Variants in ANKRD24 observed in about 807,000 individuals in gnomAD.
ANKRD24 encodes ankyrin repeat domain-containing protein 24.
A neutral mutation model predicts 127.8 loss-of-function variants in ANKRD24; 109 were observed. The ratio of observed to expected loss-of-function variants is 0.85; its 90% CI spans 0.73 to 1.00. The LOEUF (loss-of-function observed/expected upper bound fraction) is 1.00. ANKRD24 is among the 50% of genes least tolerant of loss of function. The pLI, the probability that ANKRD24 is intolerant of heterozygous loss-of-function variation, is 0.00. For synonymous variants in ANKRD24, 743 were observed against 671.1 expected, an observed-to-expected ratio of 1.11 and a Z score of -1.66; for missense variants, 1,648 against 1,570.2, an observed-to-expected ratio of 1.05 and a Z score of -0.84.
intron 2 of ANKRD24, among the ~76,000 whole-genome samples, chr19:4,191,524 C>T (rs1968384936): frequency 1.3e-5 from 2 of 151,808 alleles, no homozygotes; most frequent in South Asian, 4.2e-4. Context: ...GCTGTGTTGC[C>T]AGGCTGGAGT....
intron 11 of ANKRD24, 180 bp downstream of exon 11, chr19:4,208,981 A>T: frequency 1.7e-6 from 1 of 605,198 alleles, no homozygotes; most frequent in Non-Finnish European, 2.8e-6. Flanking sequence ...TAACTCCCAG[A>T]ACTGGGTGAG....
chr19:4,193,520 C>G (rs1665783431), intron 2 of ANKRD24, among the ~76,000 whole-genome samples: 1 of 151,184 alleles, frequency 6.6e-6, no homozygotes, highest in South Asian at 2.1e-4. Context: ...ACTATGGCAG[C>G]ATGGATTACA....
chr19:4,218,168 G>T lies in ANKRD24; in HGVS notation c.3003+5G>T. 1 of 1,477,764 alleles carries T rather than the reference G, an allele frequency of 6.8e-7. No homozygotes were observed. The highest frequency in any genetic ancestry group is 1.3e-5 in the South Asian group (1 of 74,220). 91.5% of individuals were successfully genotyped at this position (1,477,764 alleles called of 1,614,324 possible). ...ACCAGCGCAGAGGTCTTCCAGGTGA[G>T]CAGGGCTGGTCACCACCCGGGCCCC... On this transcript the variant is annotated splice_donor_5th_base_variant and intron_variant, in intron 18 of 21. Transcript: ENST00000318934.
chr19:4,190,467 G>A (rs1181584995), intron 2 of ANKRD24, among the ~76,000 whole-genome samples: 1 of 150,402 alleles, frequency 6.6e-6, no homozygotes, highest in East Asian at 2.0e-4. Flanking sequence ...GCTCACGTCT[G>A]TAATCCCAGC....
intron 1 of ANKRD24, among the ~76,000 whole-genome samples, chr19:4,185,890 G>C (rs955201026): frequency 1.3e-5 from 2 of 152,276 alleles, no homozygotes; most frequent in African/African-American, 2.4e-5. Flanking sequence ...ACCCAATTTG[G>C]GGAGTTAGAT....
At chr19:4,184,522 C>G (rs898579458) in intron 1 of ANKRD24, among the ~76,000 whole-genome samples, 2 of 152,226 alleles carry the variant, frequency 1.3e-5, no homozygotes, top group African/African-American at 4.8e-5. Context: ...GGCAGGTGCT[C>G]AACATCCCAC....
intron 2 of ANKRD24, among the ~76,000 whole-genome samples, chr19:4,190,779 A>C (rs1179914354): frequency 6.6e-6 from 1 of 152,212 alleles, no homozygotes; most frequent in Non-Finnish European, 1.5e-5. Context: ...GGACCTGGGC[A>C]TTCAAACCCA....
intron 2 of ANKRD24, among the ~76,000 whole-genome samples, chr19:4,197,967 G>A (rs1599413252): frequency 1.3e-5 from 2 of 152,376 alleles, no homozygotes; most frequent in South Asian, 4.1e-4. Context: ...GCCGGTGAAT[G>A]AATGAACGAA....
chr19:4,215,902 C>T (rs921351727), intron 15 of ANKRD24, 76 bp from the exon 16 acceptor site: 8 of 1,208,638 alleles, frequency 6.6e-6, no homozygotes, highest in African/African-American at 1.5e-5. Flanking sequence ...ACAGCCCAGT[C>T]CCCACTGGAG....
At chr19:4,187,041 G>A (rs1968104851) in intron 2 of ANKRD24, among the ~76,000 whole-genome samples, 1 of 152,194 alleles carries the variant, frequency 6.6e-6, no homozygotes, top group African/African-American at 2.4e-5. Context: ...ATTCAGGGCA[G>A]GGGAGGTGGC....
Position 4,210,368 on chromosome 19 carries a change from A to G in ANKRD24, c.1055A>G (p.Gln352Arg), listed in dbSNP as rs1568332624. Residue 352 changes from glutamine to arginine, a missense_variant, in exon 13 of 22, where the codon CAG becomes CGG. By Grantham distance (43) the Gln-to-Arg change is conservative (BLOSUM62 1). Coordinates refer to ENST00000318934, the MANE Select transcript of ANKRD24 (RefSeq NM_001393985.1). ...GLEQHKERRQ[Q>R]ESPEASSLHI... ...GAACAGCACAAGGAACGGAGGCAGC[A>G]GGAGGTTAGGAGGCCTCGGAGATTT... 1 of 1,549,982 alleles carries G rather than the reference A, an allele frequency of 6.5e-7. No homozygotes were observed. Among genetic ancestry groups the G allele is most frequent in the South Asian group, 1.2e-5 (1 of 83,684 alleles).
chr19:4,219,691 A>G lies in ANKRD24; in HGVS notation c.3104A>G (p.Glu1035Gly). Residue 1035 changes from glutamate (E) to glycine (G), a missense_variant, in exon 19 of 22, where the codon GAA becomes GGA. Transcript: ENST00000318934. ...CTACGGGGGCTACGGACCGAGGCGG[A>G]AAGGGCTCGCCAGGCCCAGAGCCGG... ...QQLRGLRTEA[E>G]RARQAQSRAQ... 7 of 1,613,768 alleles carry G rather than the reference A, an allele frequency of 4.3e-6. No homozygotes were observed. The highest frequency in any genetic ancestry group is 5.9e-6 in the Non-Finnish European group (7 of 1,179,800).
intron 20 of ANKRD24, 71 bp from the exon 21 acceptor site, chr19:4,224,056 G>GT: frequency 7.7e-7 from 1 of 1,298,364 alleles, no homozygotes. Context: ...TGCAAAGGGT[G>GT]CTTTTTGGTG....
chr19:4,185,475 A>G (rs528831741), intron 1 of ANKRD24, among the ~76,000 whole-genome samples: 1 of 152,050 alleles, frequency 6.6e-6, no homozygotes, highest in Non-Finnish European at 1.5e-5. Flanking sequence ...GCAAATACAG[A>G]TTCTCCATCA....
At chr19:4,210,562 A>G (rs1228791429) in intron 13 of ANKRD24, among the ~76,000 whole-genome samples, 190 bp downstream of exon 13, 1 of 133,912 alleles carries the variant, frequency 7.5e-6, no homozygotes, top group Non-Finnish European at 1.7e-5. Flanking sequence ...CCTTTGCACC[A>G]CCAGTGTCCT....
intron 2 of ANKRD24, among the ~76,000 whole-genome samples, chr19:4,193,845 G>GAGGGAGGGAAAGA (rs573649233): frequency 9.9e-5 from 4 of 40,590 alleles, no homozygotes; most frequent in African/African-American, 5.1e-4. Context: ...GGGAGGGAGG[G>GAGGGAGGGAAAGA]AGGAAGGAAG....
rs184419322 is a variant in ANKRD24, at chr19:4,221,297, G to A, written c.3172-1373G>A. On this transcript the variant is annotated intron_variant, in intron 19 of 21. Coordinates refer to ENST00000318934, the MANE Select transcript of ANKRD24 (RefSeq NM_001393985.1). Reference sequence around the variant, plus strand: ...TCACCATGTTGGCCAGGCTGGTCTCGAACTCCCGACCTCAGGTGATTCAGC... The same window carrying A: ...TCACCATGTTGGCCAGGCTGGTCTCAAACTCCCGACCTCAGGTGATTCAGC... 5.4e-4 allele frequency among the ~76,000 whole-genome samples: 82 copies of A among 151,922 alleles called. 1 individual carries two copies. Among genetic ancestry groups the A allele is most frequent in the Non-Finnish European group, 1.9e-4 (13 of 67,964 alleles).
In ANKRD24 at chr19:4,219,734, C is replaced by A. The variant is rs552670826; in HGVS notation, c.3147C>A (p.Asp1049Glu). 5.0e-6 allele frequency: 8 copies of A among 1,610,840 alleles called. No homozygotes were observed. The highest frequency in any genetic ancestry group is 6.8e-6 in the Non-Finnish European group (8 of 1,178,574). Residue 1049 changes from aspartate to glutamate, a missense_variant, in exon 19 of 22, where the codon GAC (aspartate) becomes GAA (glutamate). By Grantham distance (45) the Asp-to-Glu change is conservative. Coordinates refer to ENST00000318934, the MANE Select transcript of ANKRD24 (RefSeq NM_001393985.1). ...AGAGCCGGGCCCAGGAGGCTCTGGA[C>A]AAGGCCAAGGAGAAGGACAAGAAGG... ...QAQSRAQEALDKAKEKDKKIT... is the reference protein window; with the variant it reads ...QAQSRAQEALEKAKEKDKKIT...
At position 4,210,088 on chromosome 19, in the gene ANKRD24, G is replaced by T; in HGVS notation, c.901G>T (p.Ala301Ser). The change falls in exon 12 of 22, where the codon GCC (alanine) becomes TCC (serine). Residue 301 changes from alanine to serine, a missense_variant. Coordinates refer to ENST00000318934, the MANE Select transcript of ANKRD24 (RefSeq NM_001393985.1). Reference sequence around the variant, plus strand: ...TATGTCCAGCCATGGAAAGCAGGGGGCCCCCAAGAAGCGGAAGGCGCCTCC... The same window carrying T: ...TATGTCCAGCCATGGAAAGCAGGGGTCCCCCAAGAAGCGGAAGGCGCCTCC... The part of the protein sequence containing the change: ...NSMSSHGKQG[A>S]PKKRKAPPPP... 1 of 1,612,486 alleles carries T rather than the reference G, an allele frequency of 6.2e-7. No individual in the cohort carries two copies.
Sources: gnomAD v4.1 joint callset for allele counts (sites outside exome capture counted in the v4.1 genomes callset) on GRCh38, gnomAD v4.1.1 for gene constraint, MANE v1.5 for transcripts, NCBI Gene and HGNC (gene_info 2026-07-23, HGNC 2026-07-21) for gene names.